The following SLC25A13 variants were observed in gnomAD, a reference collection of about 807,000 sequenced individuals.
SLC25A13 encodes solute carrier family 25 member 13.
In SLC25A13, 70 loss-of-function variants were observed where a neutral mutation model predicts 85.5. The observed-to-expected ratio is 0.82, with a 90% CI of 0.68 to 1.00. SLC25A13 has a LOEUF of 1.00. Ranked by LOEUF, SLC25A13 falls within the 50% of genes least tolerant of loss-of-function variation. The pLI, the probability that SLC25A13 is intolerant of heterozygous loss-of-function variation, is 0.00. For synonymous variants in SLC25A13, 259 were observed against 288.7 expected, an observed-to-expected ratio of 0.90 and a Z score of 1.04; for missense variants, 765 against 819.8, an observed-to-expected ratio of 0.93 and a Z score of 0.82.
At chr7:96,320,645 G>A (rs74476641) in intron 1 of SLC25A13, among the ~76,000 whole-genome samples, 1,716 of 152,242 alleles carry the variant, frequency 0.011, 31 homozygotes, top group African/African-American at 0.04. Context: ...ACACCTGTGT[G>A]TTCATATGCA....
At chr7:96,261,810 C>G (rs1033068346) in intron 3 of SLC25A13, among the ~76,000 whole-genome samples, 20 of 152,170 alleles carry the variant, frequency 1.3e-4, no homozygotes, top group African/African-American at 3.9e-4. Context: ...AGTCCAAGAT[C>G]AAGGCACTGA....
At chr7:96,224,294 T>A (rs190170441) in intron 4 of SLC25A13, among the ~76,000 whole-genome samples, 1 of 152,294 alleles carries the variant, frequency 6.6e-6, no homozygotes, top group Admixed American at 6.5e-5. Flanking sequence ...CTTCCAAGCA[T>A]CATTCTGATC....
chr7:96,321,067 T>C (rs1054429096), intron 1 of SLC25A13, among the ~76,000 whole-genome samples: 1 of 152,198 alleles, frequency 6.6e-6, no homozygotes, highest in Admixed American at 6.5e-5. Context: ...ATTCAAGTGA[T>C]TGGGACTAAA....
chr7:96,122,661 C>A (rs1461967330), intron 15 of SLC25A13, among the ~76,000 whole-genome samples: 1 of 152,070 alleles, frequency 6.6e-6, no homozygotes, highest in Non-Finnish European at 1.5e-5. Flanking sequence ...ACTGACATCT[C>A]CAGAAAAATA....
chr7:96,262,129 A>G (rs568516202), intron 3 of SLC25A13, among the ~76,000 whole-genome samples: 12 of 152,054 alleles, frequency 7.9e-5, no homozygotes, highest in Non-Finnish European at 1.3e-4. Context: ...AATTTAAGCA[A>G]CTCCACATCC....
rs1418293059 is a variant in SLC25A13 at position 96,178,077 on chromosome 7, T to C, written c.1177+6200A>G. Among the ~76,000 whole-genome samples, 6 of 152,146 alleles carry C rather than the reference T, an allele frequency of 3.9e-5. No homozygotes were observed. The East Asian group carries it at 1.2e-3, about 29-fold the overall frequency. ...CATGTAGCAGGCATCCACATCATGC[T>C]TCCCCCGTCTCTACAGATGGTGAAT... On this transcript the variant is annotated intron_variant, in intron 11 of 17. Coordinates refer to ENST00000265631, the MANE Select transcript of SLC25A13 (RefSeq NM_014251.3).
At chr7:96,253,885 G>A (rs1584517041) in intron 3 of SLC25A13, among the ~76,000 whole-genome samples, 1 of 152,064 alleles carries the variant, frequency 6.6e-6, no homozygotes, top group East Asian at 1.9e-4. Context: ...GAATAAACTG[G>A]AAAAATAATT....
At chr7:96,228,058 T>G (rs992541928) in intron 4 of SLC25A13, among the ~76,000 whole-genome samples, 3 of 152,128 alleles carry the variant, frequency 2.0e-5, no homozygotes, top group Admixed American at 1.3e-4. Context: ...AAGACAGGGT[T>G]TCACTGTGTT....
intron 4 of SLC25A13, among the ~76,000 whole-genome samples, chr7:96,211,425 T>C (rs1466181517): frequency 1.3e-5 from 2 of 152,168 alleles, no homozygotes; most frequent in African/African-American, 2.4e-5. Context: ...GATCTCTCTA[T>C]AAATCTTCTA....
chr7:96,309,751 A>G (rs1228393489), intron 1 of SLC25A13: 1 of 152,166 alleles, frequency 6.6e-6, no homozygotes, highest in Non-Finnish European at 1.5e-5. Context: ...CCTTGACATC[A>G]TTATCTCACC....
At chr7:96,285,123 C>T (rs942810234) in intron 2 of SLC25A13, among the ~76,000 whole-genome samples, 17 of 152,294 alleles carry the variant, frequency 1.1e-4, no homozygotes, top group African/African-American at 3.1e-4. Flanking sequence ...TTATTACTGG[C>T]ACCTCTCTGC....
intron 1 of SLC25A13, among the ~76,000 whole-genome samples, chr7:96,320,717 G>C (rs1023517086): frequency 1.3e-5 from 2 of 152,168 alleles, no homozygotes; most frequent in Non-Finnish European, 2.9e-5. Flanking sequence ...AGTAATTACA[G>C]AAAAGAGAAA....
At chr7:96,283,033 C>T (rs892654189) in intron 2 of SLC25A13, among the ~76,000 whole-genome samples, 4 of 152,112 alleles carry the variant, frequency 2.6e-5, no homozygotes, top group African/African-American at 9.7e-5. Context: ...ATTGAAATAA[C>T]CTTCATGAGA....
chr7:96,135,007 G>T (rs1022904260), intron 14 of SLC25A13, among the ~76,000 whole-genome samples: 1 of 152,044 alleles, frequency 6.6e-6, no homozygotes. Flanking sequence ...GGAAGCAAAA[G>T]AACTTCCACC....
At chr7:96,247,603 C>T (rs747172349) in intron 3 of SLC25A13, among the ~76,000 whole-genome samples, 14 of 151,952 alleles carry the variant, frequency 9.2e-5, no homozygotes, top group South Asian at 4.1e-4. Flanking sequence ...CACTCAAATT[C>T]GGCAACAAAA....
At chr7:96,204,452 A>G (rs2116700207) in intron 5 of SLC25A13, among the ~76,000 whole-genome samples, 1 of 152,262 alleles carries the variant, frequency 6.6e-6, no homozygotes, top group East Asian at 1.9e-4. Context: ...AGGCGGGTGG[A>G]TCACTTGAGC....
In SLC25A13 at chr7:96,277,318, G is replaced by A. The variant is rs777148254; in HGVS notation, c.90C>T (p.Asn30=). 8 of 1,612,604 alleles carry A rather than the reference G, an allele frequency of 5.0e-6. No individual in the cohort carries two copies. The highest frequency in any genetic ancestry group is 3.3e-5 in the Admixed American group (2 of 59,870). The part of the protein sequence containing the change: ...IFLKYASIEK[N]GEFFMSPNDF... ...CATTGGGGGACATGAAAAATTCACC[G>A]TTTTTCTCAATGCTTGCATACTGTT... The change falls in exon 3 of 18, where the codon AAC becomes AAT. Residue 30 remains asparagine, a synonymous_variant. Coordinates refer to ENST00000265631, the MANE Select transcript of SLC25A13 (RefSeq NM_014251.3).
rs529793055 is a variant in SLC25A13, at chr7:96,258,719, A to C, written c.212+18477T>G. Among the ~76,000 whole-genome samples the C allele has an allele frequency of 3.3e-5, 5 of 152,328 alleles. No homozygotes were observed. In the South Asian group the frequency reaches 1.0e-3, roughly 32 times the overall value. On this transcript the variant is annotated intron_variant, in intron 3 of 17. Transcript: ENST00000265631. ...CACAGAATTAGAAAAAACTACTTTA[A>C]ATTTCACATGGAAACAAAAAAGAGC...
intron 13 of SLC25A13, among the ~76,000 whole-genome samples, chr7:96,162,915 G>A (rs987889641): frequency 3.3e-5 from 5 of 152,080 alleles, no homozygotes; most frequent in African/African-American, 1.2e-4. Flanking sequence ...TCCAACTTTG[G>A]TGAGTTTCTG....
Sources: allele counts gnomAD v4.1 joint callset (sites outside exome capture counted in the v4.1 genomes callset), GRCh38; gene constraint gnomAD v4.1.1; transcripts MANE v1.5; gene names NCBI Gene and HGNC (gene_info 2026-07-23, HGNC 2026-07-21).